The following TBX5 variants were observed in gnomAD, a reference collection of about 807,000 sequenced individuals.
TBX5 encodes the protein T-box transcription factor TBX5.
A neutral mutation model predicts 51.1 loss-of-function variants in TBX5; 8 were observed. That is an observed-to-expected ratio of 0.16 (90% confidence interval 0.09 to 0.28). The LOEUF (loss-of-function observed/expected upper bound fraction) is 0.28. Among genes scored for constraint, TBX5 ranks in the 10% least tolerant of loss-of-function variants. TBX5 has a pLI of 1.00. For missense variants in TBX5, 589 were observed against 671.7 expected (o/e 0.88, Z 1.36); for synonymous variants, 302 against 266.4 (o/e 1.13, Z -1.30).
intron 6 of TBX5, among the ~76,000 whole-genome samples, chr12:114,391,355 C>T (rs1361347166): frequency 6.6e-6 from 1 of 152,154 alleles, no homozygotes; most frequent in African/African-American, 2.4e-5. Flanking sequence ...TCTAAACTAG[C>T]CAGGAAGTTA....
intron 7 of TBX5, among the ~76,000 whole-genome samples, chr12:114,370,639 CT>C (rs1294002225): frequency 4.2e-4 from 10 of 23,682 alleles, no homozygotes; most frequent in African/African-American, 2.3e-3. Flanking sequence ...TGATCTCTCC[CT>C]CTCTCTCTCT....
upstream of TBX5, among the ~76,000 whole-genome samples, chr12:114,406,696 C>T (rs1032453534): frequency 1.3e-5 from 2 of 152,138 alleles, no homozygotes; most frequent in Admixed American, 6.5e-5. Flanking sequence ...CGGGCCCTCA[C>T]CCCCCACCCA....
upstream of TBX5, chr12:114,407,012 A>G (rs1212988760): frequency 8.2e-6 from 8 of 980,720 alleles, no homozygotes; most frequent in Non-Finnish European, 9.7e-6. Flanking sequence ...TACCCCCATC[A>G]TACTGATTTT....
At chr12:114,384,765 C>T (rs1287647544) in intron 7 of TBX5, among the ~76,000 whole-genome samples, 1 of 130,082 alleles carries the variant, frequency 7.7e-6, no homozygotes. Context: ...CACAAACCTT[C>T]TTGGTCAGAG....
At chr12:114,386,815 C>T (rs1870838209) in intron 6 of TBX5, among the ~76,000 whole-genome samples, 1 of 152,056 alleles carries the variant, frequency 6.6e-6, no homozygotes, top group South Asian at 2.1e-4. Context: ...AACTTTCAGC[C>T]AGCCATGGTG....
chr12:114,359,100 A>C (rs1434864545), intron 8 of TBX5, among the ~76,000 whole-genome samples: 1 of 152,252 alleles, frequency 6.6e-6, no homozygotes, highest in Non-Finnish European at 1.5e-5. Flanking sequence ...AAAAGGAAGA[A>C]TAATAAGAAA....
At chr12:114,389,119 G>C (rs1871003580) in intron 6 of TBX5, among the ~76,000 whole-genome samples, 1 of 150,848 alleles carries the variant, frequency 6.6e-6, no homozygotes, top group African/African-American at 2.4e-5. Context: ...GTACAGACAG[G>C]GTTTCACCAT....
At chr12:114,362,722 T>C (rs1195006955) in intron 8 of TBX5, among the ~76,000 whole-genome samples, 1 of 152,170 alleles carries the variant, frequency 6.6e-6, no homozygotes, top group East Asian at 1.9e-4. Context: ...TGGAGTGCAG[T>C]GGTGCAATCA....
intron 7 of TBX5, among the ~76,000 whole-genome samples, chr12:114,380,189 C>T (rs1382718073): frequency 6.6e-6 from 1 of 152,128 alleles, no homozygotes; most frequent in Non-Finnish European, 1.5e-5. Flanking sequence ...CAGCTCCAGC[C>T]CCTTTGGCTC....
intron 5 of TBX5, among the ~76,000 whole-genome samples, chr12:114,397,265 T>C (rs911445135): frequency 6.6e-6 from 1 of 152,128 alleles, no homozygotes; most frequent in Non-Finnish European, 1.5e-5. Context: ...GGAACTCCTT[T>C]TGTAATTAGA....
chr12:114,401,507 A>G (rs1399964770), intron 3 of TBX5, among the ~76,000 whole-genome samples: 2 of 152,036 alleles, frequency 1.3e-5, no homozygotes, highest in Non-Finnish European at 2.9e-5. Flanking sequence ...TCTTTCCCTC[A>G]TTACGAATCC....
Position 114,355,738 on chromosome 12 carries a change from C to T in TBX5, c.1351G>A (p.Gly451Arg), listed in dbSNP as rs200704209. ...GTCTGGTGCTGGAACATTCCCTCTC[C>T]CAGCTGTGGGGAGCCATGGTTGGCC... ...GMANHGSPQL[G>R]EGMFQHQTSV... is the part of the protein sequence containing the mutation. The change falls in exon 9 of 9, where the codon GGA becomes AGA. Residue 451 changes from glycine to arginine, a missense_variant. This residue lies in a region of TBX5 where 348 missense variants were observed against 360.4 expected (regional missense o/e 0.97). Transcript: ENST00000405440. The T allele has an allele frequency of 3.7e-6, 6 of 1,614,138 alleles. No individual in the cohort carries two copies. In the East Asian group the frequency reaches 1.1e-4, roughly 30 times the overall value.
At chr12:114,371,366 C>T (rs1869891625) in intron 7 of TBX5, among the ~76,000 whole-genome samples, 1 of 152,156 alleles carries the variant, frequency 6.6e-6, no homozygotes, top group Admixed American at 6.5e-5. Flanking sequence ...GCCCTTCTCT[C>T]ATGTTCTGTT....
chr12:114,398,736 G>A lies in TBX5; in HGVS notation c.363-16C>T, dbSNP rs1043625532. The A allele has an allele frequency of 6.3e-7, 1 of 1,592,638 alleles. No individual in the cohort carries two copies. The highest frequency in any genetic ancestry group is 8.6e-7 in the Non-Finnish European group (1 of 1,169,584). ...CGTCACAGACCTAGATGAAGGAGAG[G>A]TGTACTAGAGGCCTGGCTCAGAGTC... On this transcript the variant is annotated splice_polypyrimidine_tract_variant and intron_variant, in intron 4 of 8. Coordinates refer to ENST00000405440, the MANE Select transcript of TBX5 (RefSeq NM_181486.4).
chr12:114,397,608 C>A (rs1029969987), intron 5 of TBX5, among the ~76,000 whole-genome samples: 2 of 152,124 alleles, frequency 1.3e-5, no homozygotes, highest in African/African-American at 4.8e-5. Flanking sequence ...CCACTAAAAC[C>A]TACACATTCT....
chr12:114,408,216 G>A, upstream of TBX5: 1 of 985,288 alleles, frequency 1.0e-6, no homozygotes, highest in Non-Finnish European at 1.2e-6. Context: ...GCAGCCACAG[G>A]TTCCGGACGT....
intron 7 of TBX5, among the ~76,000 whole-genome samples, chr12:114,373,898 T>G (rs991117496): frequency 6.6e-6 from 1 of 152,374 alleles, no homozygotes; most frequent in African/African-American, 2.4e-5. Flanking sequence ...TCTTTTCTTT[T>G]ACATGATTTT....
At chr12:114,396,065 T>C (rs914224496) in intron 5 of TBX5, among the ~76,000 whole-genome samples, 8 of 152,092 alleles carry the variant, frequency 5.3e-5, no homozygotes, top group Non-Finnish European at 1.0e-4. Flanking sequence ...ATTATTTGCA[T>C]TGATGACCCT....
chr12:114,355,898 G>T lies in TBX5; in HGVS notation c.1191C>A (p.Ser397Arg). The T allele has an allele frequency of 6.2e-7, 1 of 1,613,754 alleles. No individual in the cohort carries two copies. Among genetic ancestry groups the T allele is most frequent in the Non-Finnish European group, 8.5e-7 (1 of 1,180,026 alleles). Reference sequence around the variant, plus strand: ...AAGGCATGCTTGGCCACGTGTTGCAGCTGATGTCCTCTAGGCTGGGCACAG... The same window carrying T: ...AAGGCATGCTTGGCCACGTGTTGCATCTGATGTCCTCTAGGCTGGGCACAG... ...SEPVPSLEDI[S>R]CNTWPSMPSY... Residue 397 changes from serine (S) to arginine (R), a missense_variant, in exon 9 of 9, where the codon AGC (serine) becomes AGA (arginine). By Grantham distance (110) the Ser-to-Arg change is moderately radical. Transcript: ENST00000405440.
Sources: gnomAD v4.1 joint callset for allele counts (sites outside exome capture counted in the v4.1 genomes callset) on GRCh38, gnomAD v4.1.1 for gene constraint, gnomAD v4.1.1 regional missense constraint, MANE v1.5 for transcripts, NCBI Gene and HGNC (gene_info 2026-07-23, HGNC 2026-07-21) for gene names.